The following GALNT7 variants were observed in gnomAD, a reference collection of about 807,000 sequenced individuals.
GALNT7 encodes polypeptide N-acetylgalactosaminyltransferase 7.
Under a neutral mutation model 82.1 loss-of-function variants are expected in GALNT7, and 60 were observed. That is an observed-to-expected ratio of 0.73 (90% CI 0.59 to 0.91). The LOEUF (loss-of-function observed/expected upper bound fraction) is 0.91. Among genes scored for constraint, GALNT7 ranks in the 40% least tolerant of loss-of-function variants. The pLI is 0.00. For synonymous variants in GALNT7, 243 were observed against 275.1 expected (o/e 0.88, Z 1.15); for missense variants, 660 against 804.2 (o/e 0.82, Z 2.17).
At chr4:173,290,183 G>A (rs1736484110) in intron 2 of GALNT7, among the ~76,000 whole-genome samples, 1 of 151,928 alleles carries the variant, frequency 6.6e-6, no homozygotes, top group East Asian at 1.9e-4. Flanking sequence ...GATGATTATT[G>A]AAACATTATT....
At chr4:173,246,026 G>A (rs982796372) in intron 1 of GALNT7, among the ~76,000 whole-genome samples, 2 of 152,152 alleles carry the variant, frequency 1.3e-5, no homozygotes, top group Admixed American at 6.5e-5. Context: ...AGGCTGTGTT[G>A]CCTTTTCTAT....
rs184802933 is a variant in GALNT7 at position 173,195,038 on chromosome 4, A to C, written c.126+26077A>C. The stretch of plus-strand genomic sequence containing the variant: ...TGTTAATTTTCAGTGCTAGTTTAAT[A>C]ATAACTTTTTCATAAGATTTGGTTT... On this transcript the variant is annotated intron_variant, in intron 1 of 11. Transcript: ENST00000265000. Among the ~76,000 whole-genome samples the C allele has an allele frequency of 4.1e-4, 63 of 152,320 alleles. 1 individual carries two copies. Among genetic ancestry groups the C allele is most frequent in the Admixed American group, 2.0e-3 (30 of 15,300 alleles).
intron 2 of GALNT7, among the ~76,000 whole-genome samples, chr4:173,271,787 ATT>A (rs1194284710): frequency 1.3e-5 from 2 of 152,172 alleles, no homozygotes; most frequent in Non-Finnish European, 2.9e-5. Context: ...ATATGAGGTC[ATT>A]TTAAAAGATG....
intron 6 of GALNT7, among the ~76,000 whole-genome samples, chr4:173,301,553 T>G (rs1346364607): frequency 1.3e-5 from 2 of 152,206 alleles, no homozygotes; most frequent in Non-Finnish European, 2.9e-5. Flanking sequence ...TGAACTGTGG[T>G]TGTTCTACAA....
chr4:173,268,348 G>C (rs1735583276), intron 2 of GALNT7: 1 of 151,964 alleles, frequency 6.6e-6, no homozygotes, highest in Non-Finnish European at 1.5e-5. Flanking sequence ...AACAAAGCTT[G>C]TCTCACGTGG....
chr4:173,315,642 C>A (rs1039048470), intron 9 of GALNT7, among the ~76,000 whole-genome samples: 1 of 151,722 alleles, frequency 6.6e-6, no homozygotes, highest in South Asian at 2.1e-4. Context: ...GTACTTCTTG[C>A]TTTAATATAC....
chr4:173,177,971 C>CT (rs1014689078), intron 1 of GALNT7, among the ~76,000 whole-genome samples: 4 of 150,664 alleles, frequency 2.7e-5, no homozygotes, highest in African/African-American at 9.8e-5. Context: ...GCTACCATAA[C>CT]TTTATGTGCC....
Position 173,197,298 on chromosome 4 carries a change from G to T in GALNT7, c.126+28337G>T, listed in dbSNP as rs149432840. Among the ~76,000 whole-genome samples, 68 of 152,096 alleles carry T rather than the reference G, an allele frequency of 4.5e-4. No homozygotes were observed. The East Asian group carries it at 0.013, about 29-fold the overall frequency. On this transcript the variant is annotated intron_variant, in intron 1 of 11. Transcript: ENST00000265000. ...AGATAAATTTATATTGCATTAAGAG[G>T]GTAGAGGGTAGTATTTAGAGCTATG...
intron 1 of GALNT7, among the ~76,000 whole-genome samples, chr4:173,180,810 G>T (rs1732224502): frequency 6.6e-6 from 1 of 152,208 alleles, no homozygotes; most frequent in African/African-American, 2.4e-5. Context: ...TGGCAGTTCA[G>T]TATTTTGCCA....
intron 2 of GALNT7, among the ~76,000 whole-genome samples, chr4:173,261,201 C>T (rs1371263421): frequency 6.6e-6 from 1 of 152,124 alleles, no homozygotes; most frequent in Non-Finnish European, 1.5e-5. Flanking sequence ...AAGATGGGCA[C>T]CCTCCCTGGC....
intron 1 of GALNT7, among the ~76,000 whole-genome samples, chr4:173,200,787 T>C (rs1732921225): frequency 6.6e-6 from 1 of 152,212 alleles, no homozygotes; most frequent in Non-Finnish European, 1.5e-5. Flanking sequence ...AAATCTTACA[T>C]TGTAGATTGT....
intron 2 of GALNT7, among the ~76,000 whole-genome samples, chr4:173,276,507 A>G (rs761068443): frequency 2.0e-4 from 31 of 152,330 alleles, no homozygotes; most frequent in Non-Finnish European, 3.5e-4. Flanking sequence ...CCACAGTTTT[A>G]TTTTGTCTAG....
chr4:173,288,300 A>G (rs942796502), intron 2 of GALNT7, among the ~76,000 whole-genome samples: 16 of 149,966 alleles, frequency 1.1e-4, no homozygotes, highest in Non-Finnish European at 1.8e-4. Flanking sequence ...AAAAAAAAAA[A>G]AAAAAGAAAA....
At chr4:173,255,000 C>T (rs1403195826) in intron 2 of GALNT7, among the ~76,000 whole-genome samples, 1 of 152,194 alleles carries the variant, frequency 6.6e-6, no homozygotes, top group Non-Finnish European at 1.5e-5. Context: ...AGAATTTTCT[C>T]AAGTTGATTT....
chr4:173,308,023 T>C (rs1737224272), intron 8 of GALNT7, among the ~76,000 whole-genome samples: 1 of 152,240 alleles, frequency 6.6e-6, no homozygotes, highest in Non-Finnish European at 1.5e-5. Context: ...GCATGGCCGA[T>C]ACCAATAGCA....
chr4:173,170,488 T>C (rs557193116), intron 1 of GALNT7, among the ~76,000 whole-genome samples: 1 of 152,320 alleles, frequency 6.6e-6, no homozygotes, highest in East Asian at 1.9e-4. Context: ...GTATTTGAAG[T>C]CTCTACAGCA....
In GALNT7 at chr4:173,295,543, A is replaced by G. The variant is rs754650916; in HGVS notation, c.885+17A>G. ...CTTGGACAGGTAGGAAGCATTTGAT[A>G]TCTACAATGTCAACATTTTGGGTTT... On this transcript the variant is annotated intron_variant, in intron 4 of 11. Transcript: ENST00000265000. 1 of 1,609,250 alleles carries G rather than the reference A, an allele frequency of 6.2e-7. No individual in the cohort carries two copies. The highest frequency in any genetic ancestry group is 1.3e-5 in the African/African-American group (1 of 74,924).
chr4:173,276,288 CTGATGAT>C (rs1735908611), intron 2 of GALNT7, among the ~76,000 whole-genome samples: 1 of 152,084 alleles, frequency 6.6e-6, no homozygotes, highest in African/African-American at 2.4e-5. Context: ...AGCAGAACTT[CTGATGAT>C]TAGTTTTGCT....
intron 11 of GALNT7, among the ~76,000 whole-genome samples, chr4:173,319,225 A>C (rs1404577270): frequency 6.6e-6 from 1 of 152,100 alleles, no homozygotes; most frequent in Non-Finnish European, 1.5e-5. Context: ...GATTTGGCTA[A>C]CATAAATCAA....
Sources: allele counts gnomAD v4.1 joint callset (sites outside exome capture counted in the v4.1 genomes callset), GRCh38; gene constraint gnomAD v4.1.1; transcripts MANE v1.5; gene names NCBI Gene and HGNC (gene_info 2026-07-23, HGNC 2026-07-21).